LARP1B: variants seen among roughly 807,000 people sequenced by gnomAD.
LARP1B encodes the protein la-related protein 1B.
A neutral mutation model predicts 114.2 loss-of-function variants in LARP1B; 76 were observed. The observed-to-expected ratio is 0.67, with a 90% CI of 0.55 to 0.81. The LOEUF (loss-of-function observed/expected upper bound fraction) is 0.81. LARP1B is among the 30% of genes least tolerant of loss of function. The pLI is 0.00. For missense variants in LARP1B, 1,014 were observed against 1,075.8 expected, an observed-to-expected ratio of 0.94 and a Z score of 0.80; for synonymous variants, 345 against 348.0, an observed-to-expected ratio of 0.99 and a Z score of 0.10.
chr4:128,171,180 G>A (rs1374631845), intron 12 of LARP1B, among the ~76,000 whole-genome samples: 1 of 151,776 alleles, frequency 6.6e-6, no homozygotes, highest in African/African-American at 2.4e-5. Context: ...CAAGGCTGGA[G>A]TGCAGTGGTC....
chr4:128,081,277 C>T (rs1421848957), intron 4 of LARP1B, among the ~76,000 whole-genome samples: 1 of 151,464 alleles, frequency 6.6e-6, no homozygotes, highest in African/African-American at 2.4e-5. Flanking sequence ...TGGGGTTTCA[C>T]CATGTTTGCC....
Position 128,207,258 on chromosome 4 carries a change from C to A in LARP1B, c.2422C>A (p.Gln808Lys), listed in dbSNP as rs1757871755. ...EETKKDYESGQLYGLEKFWAY... is the reference protein window; with the variant it reads ...EETKKDYESGKLYGLEKFWAY... ...TGTATATTATTCTTTGTTATTAGGT[C>A]AGCTGTATGGACTAGAAAAGTTTTG... is the stretch of plus-strand genomic sequence containing the variant. Residue 808 changes from glutamine to lysine, a missense_variant and splice_region_variant, in exon 19 of 20, where the codon CAG becomes AAG. Gln to Lys is a moderately conservative substitution (Grantham distance 53). Transcript: ENST00000326639. The A allele has an allele frequency of 3.6e-6, 5 of 1,389,446 alleles. No individual in the cohort carries two copies. The highest frequency in any genetic ancestry group is 3.3e-5 in the South Asian group (2 of 60,922). The allele number at this position is 1,389,446 out of a possible 1,614,324, so 86.1% of individuals were successfully genotyped here. A position where few individuals can be genotyped will look rare whatever the true frequency, so the allele number is the denominator to read the frequency against.
chr4:128,164,825 T>C (rs1434003667), intron 12 of LARP1B, among the ~76,000 whole-genome samples: 1 of 151,942 alleles, frequency 6.6e-6, no homozygotes, highest in Non-Finnish European at 1.5e-5. Flanking sequence ...TTGTTCATAA[T>C]AGAAAAAAGC....
chr4:128,196,762 T>C (rs1449300820), intron 15 of LARP1B, among the ~76,000 whole-genome samples: 2 of 151,974 alleles, frequency 1.3e-5, no homozygotes, highest in Non-Finnish European at 2.9e-5. Context: ...GCATTATTCA[T>C]GATAGCCAAA....
Position 128,114,576 on chromosome 4 carries a change from C to T in LARP1B, c.995C>T (p.Ala332Val), listed in dbSNP as rs773643666. 1.3e-5 allele frequency: 21 copies of T among 1,609,378 alleles called. No homozygotes were observed. The highest frequency in any genetic ancestry group is 1.7e-5 in the Non-Finnish European group (20 of 1,177,628). Reference sequence around the variant, plus strand: ...AACTAACTTAAAATTTTAGAGTCTGCCCCAAATTCTCCAAGAATTGGAAGC... The same window carrying T: ...AACTAACTTAAAATTTTAGAGTCTGTCCCAAATTCTCCAAGAATTGGAAGC... ...GQAFCSHTESAPNSPRIGSPL... is the reference protein window; with the variant it reads ...GQAFCSHTESVPNSPRIGSPL... Residue 332 changes from alanine (A) to valine (V), a missense_variant, in exon 10 of 20, where the codon GCC (alanine) becomes GTC (valine). Coordinates refer to ENST00000326639, the MANE Select transcript of LARP1B (RefSeq NM_018078.4).
chr4:128,203,042 A>T (rs1756470612), intron 17 of LARP1B, among the ~76,000 whole-genome samples: 1 of 152,198 alleles, frequency 6.6e-6, no homozygotes, highest in African/African-American at 2.4e-5. Context: ...TTCTAAAAAT[A>T]CAAAAATTAG....
chr4:128,177,588 A>G (rs1746784136), intron 13 of LARP1B, among the ~76,000 whole-genome samples: 1 of 152,214 alleles, frequency 6.6e-6, no homozygotes, highest in African/African-American at 2.4e-5. Flanking sequence ...TAGAAATATG[A>G]AAACATGCTC....
intron 18 of LARP1B, 104 bp downstream of exon 18, chr4:128,206,641 A>T (rs988042212): frequency 6.9e-7 from 1 of 1,454,442 alleles, no homozygotes; most frequent in South Asian, 1.6e-5. Context: ...AGGGCAAACC[A>T]TTTAAGATCT....
intron 15 of LARP1B, 108 bp from the exon 16 acceptor site, chr4:128,199,331 C>T (rs1052424228): frequency 2.6e-6 from 2 of 778,374 alleles, no homozygotes; most frequent in East Asian, 3.0e-5. Context: ...GGACTACTGT[C>T]TTTTCCACTG....
At chr4:128,077,270 G>A (rs989660535) in intron 3 of LARP1B, among the ~76,000 whole-genome samples, 9 of 151,950 alleles carry the variant, frequency 5.9e-5, no homozygotes, top group Admixed American at 2.0e-4. Flanking sequence ...GGCTGAGGAC[G>A]GTGAATCATT....
At chr4:128,166,940 C>CTG (rs1741129135) in intron 12 of LARP1B, among the ~76,000 whole-genome samples, 3 of 62,036 alleles carry the variant, frequency 4.8e-5, no homozygotes, top group South Asian at 1.0e-3. Context: ...TTCTCTCTCT[C>CTG]TCTCTCTCTC....
rs180915975 is a variant in LARP1B, at chr4:128,089,263, A to C, written c.359-1738A>C. 2.6e-5 allele frequency among the ~76,000 whole-genome samples: 4 copies of C among 152,284 alleles called. No homozygotes were observed. In the East Asian group the frequency reaches 7.7e-4, roughly 29 times the overall value. ...TTGTCTCTAGGATTTGCATATCTTC[A>C]CATTAATTAGATTATTCCAAGTTGA... On this transcript the variant is annotated intron_variant, in intron 5 of 19. Transcript: ENST00000326639.
chr4:128,199,624 C>CT (rs1287629947), intron 16 of LARP1B, 25 bp downstream of exon 16: 8 of 1,223,450 alleles, frequency 6.5e-6, no homozygotes, highest in Non-Finnish European at 8.6e-6. Flanking sequence ...CTTTATCTAT[C>CT]TAATATATTT....
chr4:128,099,327 G>T (rs537311175), intron 8 of LARP1B, among the ~76,000 whole-genome samples: 193 of 123,654 alleles, frequency 1.6e-3, no homozygotes, highest in African/African-American at 5.7e-3. Flanking sequence ...TCATTCTGTT[G>T]CCCAGTATGG....
At chr4:128,206,743 G>A (rs1044883016) in intron 18 of LARP1B, 4 of 985,142 alleles carry the variant, frequency 4.1e-6, no homozygotes, top group African/African-American at 1.7e-5. Context: ...CTACTCTCAA[G>A]TCTTTCTTTT....
intron 7 of LARP1B, among the ~76,000 whole-genome samples, chr4:128,097,329 T>A (rs1183362624): frequency 6.6e-6 from 1 of 151,990 alleles, no homozygotes; most frequent in Non-Finnish European, 1.5e-5. Context: ...TTTTTTGAGA[T>A]GGAGTTTTGC....
chr4:128,143,796 G>GGGGTGTGTGTGTGTGTGT (rs149590509), intron 11 of LARP1B, among the ~76,000 whole-genome samples: 1 of 147,844 alleles, frequency 6.8e-6, no homozygotes, highest in Admixed American at 6.8e-5. Context: ...TAAGGCACAG[G>GGGGTGTGTGTGTGTGTGT]GTGTGTGTGT....
chr4:128,079,892 T>A (rs1769576764), intron 4 of LARP1B, among the ~76,000 whole-genome samples: 1 of 151,990 alleles, frequency 6.6e-6, no homozygotes, highest in Non-Finnish European at 1.5e-5. Flanking sequence ...CTTCGTCACT[T>A]AACTGTTCCC....
At chr4:128,144,405 T>G (rs1729419002) in intron 11 of LARP1B, among the ~76,000 whole-genome samples, 1 of 152,192 alleles carries the variant, frequency 6.6e-6, no homozygotes, top group African/African-American at 2.4e-5. Flanking sequence ...AGTCATTAAT[T>G]CTTCAAATAT....
Sources: allele counts gnomAD v4.1 joint callset (sites outside exome capture counted in the v4.1 genomes callset), GRCh38; gene constraint gnomAD v4.1.1; transcripts MANE v1.5; gene names NCBI Gene and HGNC (gene_info 2026-07-23, HGNC 2026-07-21).